CNTN4: variants seen among roughly 807,000 people sequenced by gnomAD.
CNTN4 encodes the protein contactin 4, also known as contactin-4.
In CNTN4, 77 loss-of-function variants were observed where a neutral mutation model predicts 122.5. That is an observed-to-expected ratio of 0.63 (90% confidence interval 0.52 to 0.76). The LOEUF is 0.76. Ranked by LOEUF, CNTN4 falls within the 30% of genes least tolerant of loss-of-function variation. CNTN4 has a pLI of 0.00. For missense variants in CNTN4, 1,256 were observed against 1,259.1 expected, an observed-to-expected ratio of 1.00 and a Z score of 0.04; for synonymous variants, 512 against 447.0, an observed-to-expected ratio of 1.15 and a Z score of -1.83.
Position 2,834,898 on chromosome 3 carries a change from C to CTTTTTTTTTTTTTTTTTTT in CNTN4, c.454+15323_454+15341dup, listed in dbSNP as rs71058653. On this transcript the variant is annotated intron_variant, in intron 7 of 24. Transcript: ENST00000418658. ...AAGCATTAAATTAGATAAAGGCAAC[C>CTTTTTTTTTTTTTTTTTTT]TTTTTTTTTTTTTTTTTTTTTTTTG... is the stretch of plus-strand genomic sequence containing the variant. Among the ~76,000 whole-genome samples, 425 of 60,450 alleles carry CTTTTTTTTTTTTTTTTTTT rather than the reference C, an allele frequency of 7.0e-3. 69 individuals are homozygous for CTTTTTTTTTTTTTTTTTTT. Among genetic ancestry groups the CTTTTTTTTTTTTTTTTTTT allele is most frequent in the Middle Eastern group, 0.022 (1 of 46 alleles). The allele number at this position is 60,450 out of a possible 152,430, so 39.7% of individuals were successfully genotyped here. A position where few individuals can be genotyped will look rare whatever the true frequency, so the allele number is the denominator to read the frequency against.
At chr3:2,491,065 A>G (rs1264047783) in intron 3 of CNTN4, among the ~76,000 whole-genome samples, 1 of 152,194 alleles carries the variant, frequency 6.6e-6, no homozygotes, top group East Asian at 1.9e-4. Flanking sequence ...CATGAAAGCA[A>G]CAAATATACT....
chr3:2,566,887 G>A (rs756970777), intron 3 of CNTN4, among the ~76,000 whole-genome samples: 1 of 152,168 alleles, frequency 6.6e-6, no homozygotes, highest in African/African-American at 2.4e-5. Flanking sequence ...TCTGTTGGAA[G>A]TATTCTTAGT....
chr3:2,585,301 A>G (rs2080137138), intron 4 of CNTN4, among the ~76,000 whole-genome samples: 1 of 151,476 alleles, frequency 6.6e-6, no homozygotes, highest in Admixed American at 6.6e-5. Flanking sequence ...GGGATCTAGA[A>G]CTAGAAATAC....
chr3:2,158,195 TAAAAA>T (rs548749193), intron 2 of CNTN4, among the ~76,000 whole-genome samples: 267 of 152,174 alleles, frequency 1.8e-3, no homozygotes, highest in South Asian at 3.9e-3. Flanking sequence ...GTTCCAGAAA[TAAAAA>T]AGAAACTTGT....
intron 2 of CNTN4, among the ~76,000 whole-genome samples, chr3:2,101,503 G>C (rs1418960486): frequency 6.6e-6 from 1 of 152,046 alleles, no homozygotes; most frequent in Non-Finnish European, 1.5e-5. Flanking sequence ...TATTTTAGTT[G>C]AATAAGTCTA....
Position 2,464,342 on chromosome 3 carries a change from G to T in CNTN4, c.-88-107074G>T, listed in dbSNP as rs530597146. Among the ~76,000 whole-genome samples the T allele has an allele frequency of 9.8e-5, 15 of 152,366 alleles. No individual in the cohort carries two copies. The South Asian group carries it at 3.1e-3, about 32-fold the overall frequency. The stretch of plus-strand genomic sequence containing the variant: ...TTATTTCTAAGTGTTGTTGCAGGAA[G>T]TGGCGCATTAGGAACTAGTCTTTTT... On this transcript the variant is annotated intron_variant, in intron 3 of 24. Coordinates refer to ENST00000418658, the MANE Select transcript of CNTN4 (RefSeq NM_175607.3).
chr3:2,132,369 G>A (rs760001783), intron 2 of CNTN4: 2 of 152,172 alleles, frequency 1.3e-5, no homozygotes, highest in African/African-American at 2.4e-5. Context: ...ACAGAAACAC[G>A]AGGGGCAATA....
chr3:2,906,194 G>A (rs569736303), intron 12 of CNTN4, among the ~76,000 whole-genome samples: 1 of 152,180 alleles, frequency 6.6e-6, no homozygotes, highest in African/African-American at 2.4e-5. Flanking sequence ...CGGCGGGGGA[G>A]GGTTGGGAAG....
At chr3:2,624,058 T>G (rs139331750) in intron 4 of CNTN4, among the ~76,000 whole-genome samples, 6 of 152,242 alleles carry the variant, frequency 3.9e-5, no homozygotes, top group African/African-American at 1.2e-4. Context: ...TCTCAAAATA[T>G]TGTTTATGCC....
At chr3:2,230,344 G>A (rs1253376959) in intron 2 of CNTN4, among the ~76,000 whole-genome samples, 1 of 152,124 alleles carries the variant, frequency 6.6e-6, no homozygotes, top group Non-Finnish European at 1.5e-5. Flanking sequence ...CCAGCAATAC[G>A]GTTGTTCAGA....
chr3:2,238,014 G>A (rs546774973), intron 2 of CNTN4, among the ~76,000 whole-genome samples: 44 of 151,970 alleles, frequency 2.9e-4, no homozygotes, highest in Non-Finnish European at 5.0e-4. Context: ...AACATGACTT[G>A]CCATTGAGAC....
At chr3:2,212,081 C>A (rs2038646600) in intron 2 of CNTN4, among the ~76,000 whole-genome samples, 1 of 152,156 alleles carries the variant, frequency 6.6e-6, no homozygotes, top group Non-Finnish European at 1.5e-5. Flanking sequence ...TCAAGCAATC[C>A]TTCTACCTCA....
At chr3:2,323,613 C>G (rs552371591) in intron 2 of CNTN4, among the ~76,000 whole-genome samples, 9 of 152,242 alleles carry the variant, frequency 5.9e-5, no homozygotes, top group African/African-American at 2.2e-4. Flanking sequence ...TGAAACTAAA[C>G]AAATATCCAC....
intron 2 of CNTN4, among the ~76,000 whole-genome samples, chr3:2,256,384 C>T (rs1164717406): frequency 6.6e-6 from 1 of 152,156 alleles, no homozygotes; most frequent in Non-Finnish European, 1.5e-5. Context: ...TGGTATCATT[C>T]CTTCTGAAAC....
At chr3:2,200,816 T>C (rs536812676) in intron 2 of CNTN4, among the ~76,000 whole-genome samples, 2 of 152,324 alleles carry the variant, frequency 1.3e-5, no homozygotes, top group East Asian at 1.9e-4. Flanking sequence ...TGTGATACTT[T>C]GGGCCATAGC....
At chr3:3,019,506 G>C (rs2125580584) in intron 14 of CNTN4, among the ~76,000 whole-genome samples, 1 of 151,874 alleles carries the variant, frequency 6.6e-6, no homozygotes, top group South Asian at 2.1e-4. Flanking sequence ...TGTTGGCCAG[G>C]CTGGTCTGGA....
chr3:2,516,104 A>G (rs1031182955), intron 3 of CNTN4, among the ~76,000 whole-genome samples: 3 of 151,944 alleles, frequency 2.0e-5, no homozygotes, highest in African/African-American at 7.2e-5. Flanking sequence ...GGAGGTCTCT[A>G]TATGTGTCTT....
At chr3:3,000,829 G>A (rs916260214) in intron 14 of CNTN4, among the ~76,000 whole-genome samples, 1 of 150,150 alleles carries the variant, frequency 6.7e-6, no homozygotes, top group Non-Finnish European at 1.5e-5. Flanking sequence ...CCCCTAGGTT[G>A]AATTCTGTCA....
chr3:2,965,934 G>A (rs1398496928), intron 13 of CNTN4, among the ~76,000 whole-genome samples: 3 of 152,068 alleles, frequency 2.0e-5, no homozygotes, highest in African/African-American at 7.3e-5. Context: ...ATGTTTTCAG[G>A]ATACTCTATA....
Sources: allele counts gnomAD v4.1 joint callset (sites outside exome capture counted in the v4.1 genomes callset), GRCh38; gene constraint gnomAD v4.1.1; transcripts MANE v1.5; gene names NCBI Gene and HGNC (gene_info 2026-07-23, HGNC 2026-07-21).